CSDE1: variants seen among roughly 807,000 people sequenced by gnomAD.
The protein encoded by CSDE1 is cold shock domain containing E1, also known as cold shock domain-containing protein E1.
A neutral mutation model predicts 89.3 loss-of-function variants in CSDE1; 17 were observed. The observed-to-expected ratio is 0.19, with a 90% CI of 0.13 to 0.29. CSDE1 has a LOEUF of 0.29. CSDE1 is among the 10% of genes least tolerant of loss of function. The pLI is 1.00. For missense variants in CSDE1, 672 were observed against 984.2 expected (o/e 0.68, Z 4.24); for synonymous variants, 322 against 332.8 (o/e 0.97, Z 0.35).
chr1:114,736,615 C>A, intron 6 of CSDE1, 143 bp downstream of exon 6: 3 of 586,514 alleles, frequency 5.1e-6, no homozygotes, highest in South Asian at 4.4e-5. Context: ...TATTCATAGA[C>A]CTCAAAGCAT....
chr1:114,724,274 C>T (rs1659684234), intron 15 of CSDE1: 1 of 249,580 alleles, frequency 4.0e-6, no homozygotes, highest in Non-Finnish European at 7.8e-6. Context: ...ATAAAACATG[C>T]CTTGATCTCT....
intron 19 of CSDE1, 28 bp downstream of exon 19, chr1:114,718,585 C>T (rs772106967): frequency 3.1e-6 from 5 of 1,602,586 alleles, no homozygotes; most frequent in South Asian, 2.2e-5. Context: ...ATCAGTTGGC[C>T]TCCCCCAAGC....
intron 2 of CSDE1, 89 bp from the exon 3 acceptor site, chr1:114,739,979 T>C (rs998009644): frequency 2.6e-5 from 29 of 1,118,248 alleles, no homozygotes; most frequent in Non-Finnish European, 3.6e-5. Context: ...AAATCTTCCA[T>C]ATAAAAACGC....
intron 2 of CSDE1, among the ~76,000 whole-genome samples, chr1:114,744,476 G>C (rs1182843739): frequency 6.6e-6 from 1 of 152,070 alleles, no homozygotes; most frequent in South Asian, 2.1e-4. Flanking sequence ...CTACTCAAGA[G>C]GCTGGGGTGG....
chr1:114,723,761 C>G, intron 16 of CSDE1, 122 bp downstream of exon 16: 1 of 1,397,758 alleles, frequency 7.2e-7, no homozygotes, highest in South Asian at 1.2e-5. Flanking sequence ...AGAGAGGTCA[C>G]TTTTCCTTAA....
At position 114,725,272 on chromosome 1, in the gene CSDE1, T is replaced by C. The variant is rs778067819; in HGVS notation, c.1702A>G (p.Lys568Glu). ...LGDMVEYSLS[K>E]GKGNKVSAEK... ...GCACTGACTTTGTTGCCTTTGCCTTTGGACAAGCTATACTCGACCATGTCC... is the reference window on the plus strand; with the variant it reads ...GCACTGACTTTGTTGCCTTTGCCTTCGGACAAGCTATACTCGACCATGTCC... The change falls in exon 15 of 20, where the codon AAA (lysine) becomes GAA (glutamate). Residue 568 changes from lysine (K) to glutamate (E), a missense_variant. Lys to Glu is a moderately conservative substitution (Grantham distance 56). Transcript: ENST00000358528. 1.2e-6 allele frequency: 2 copies of C among 1,614,232 alleles called. No individual in the cohort carries two copies. The highest frequency in any genetic ancestry group is 2.2e-5 in the East Asian group (1 of 44,878).
intron 12 of CSDE1, among the ~76,000 whole-genome samples, chr1:114,728,424 C>A (rs1377411129): frequency 3.9e-5 from 6 of 152,210 alleles, no homozygotes; most frequent in Non-Finnish European, 7.4e-5. Flanking sequence ...AGAATCCCTG[C>A]CCTGAGGGAG....
intron 9 of CSDE1, among the ~76,000 whole-genome samples, 186 bp downstream of exon 9, chr1:114,733,546 A>AC (rs1660222525): frequency 6.8e-6 from 1 of 147,116 alleles, no homozygotes; most frequent in African/African-American, 2.4e-5. Context: ...AAAAAAAAAA[A>AC]AAACACCATA....
Position 114,750,075 on chromosome 1 carries a change from G to T in CSDE1, c.-255C>A, listed in dbSNP as rs1265174283. 6.6e-6 allele frequency: 1 copy of T among 152,656 alleles called. No individual in the cohort carries two copies. Among genetic ancestry groups the T allele is most frequent in the East Asian group, 1.9e-4 (1 of 5,196 alleles). The allele number at this position is 152,656 out of a possible 1,614,324, so 9.5% of individuals were successfully genotyped here. On this transcript the variant is annotated 5_prime_UTR_variant, in exon 2 of 20. The change creates a new upstream start codon in the 5' untranslated region. Coordinates refer to ENST00000358528, the MANE Select transcript of CSDE1 (RefSeq NM_001007553.3). ...GAGTAGGCACAAACTTCTTGTTTCA[G>T]ATCAAGTGTTGTGTCTTCAACTTAA...
At chr1:114,757,351 G>A (rs1232950160) in intron 1 of CSDE1, among the ~76,000 whole-genome samples, 1 of 152,036 alleles carries the variant, frequency 6.6e-6, no homozygotes, top group Non-Finnish European at 1.5e-5. Context: ...CAAAGAAGGC[G>A]CCACTGCCGC....
Position 114,736,814 on chromosome 1 carries a change from C to T in CSDE1, c.444G>A (p.Gly148=). ...TATCTCCAGTTTCCAGCTGAACGTT[C>T]CCTTCGACATCTTCAGGGGTGTAAG... is the stretch of plus-strand genomic sequence containing the variant. ...YLTYTPEDVE[G]NVQLETGDKI... is the part of the protein sequence containing the mutation. Residue 148 remains glycine (G), a synonymous_variant, in exon 6 of 20, where the codon GGG becomes GGA. Transcript: ENST00000358528. 1 of 1,613,174 alleles carries T rather than the reference C, an allele frequency of 6.2e-7. No individual in the cohort carries two copies. Among genetic ancestry groups the T allele is most frequent in the Admixed American group, 1.7e-5 (1 of 60,014 alleles).
intron 2 of CSDE1, among the ~76,000 whole-genome samples, chr1:114,740,267 C>T (rs938694393): frequency 1.3e-5 from 2 of 152,154 alleles, no homozygotes; most frequent in Non-Finnish European, 2.9e-5. Flanking sequence ...CACAAACTAC[C>T]AAAGACTCTT....
intron 8 of CSDE1, 32 bp from the exon 9 acceptor site, chr1:114,733,889 G>C (rs772763939): frequency 6.2e-7 from 1 of 1,610,876 alleles, no homozygotes; most frequent in Non-Finnish European, 8.5e-7. Context: ...GTGGTGGGGG[G>C]ACAGAGGAAG....
chr1:114,725,140 T>C, intron 15 of CSDE1, 81 bp downstream of exon 15: 1 of 1,014,456 alleles, frequency 9.9e-7, no homozygotes. Context: ...GTAGAATAAT[T>C]AGGCCTCATC....
At position 114,730,139 on chromosome 1, in the gene CSDE1, T is replaced by G. The variant is rs116268993; in HGVS notation, c.1356+119A>C. On this transcript the variant is annotated intron_variant, in intron 12 of 19. Coordinates refer to ENST00000358528, the MANE Select transcript of CSDE1 (RefSeq NM_001007553.3). The stretch of plus-strand genomic sequence containing the variant: ...TACTTTGTTTAGTTCACTGTTAATA[T>G]GACAGAAATTCTGAAAGAGACAAAC... 9.9e-3 allele frequency: 11,395 copies of G among 1,150,436 alleles called. 72 individuals carry two copies. The highest frequency in any genetic ancestry group is 0.013 in the Non-Finnish European group (10,383 of 812,502). 71.3% of individuals were successfully genotyped at this position (1,150,436 alleles called of 1,614,324 possible).
intron 13 of CSDE1, among the ~76,000 whole-genome samples, 172 bp downstream of exon 13, chr1:114,726,811 C>T (rs1028371365): frequency 2.0e-5 from 3 of 152,186 alleles, no homozygotes; most frequent in Non-Finnish European, 2.9e-5. Flanking sequence ...TAACAAAGAG[C>T]TTGACAGACA....
In CSDE1 at chr1:114,732,599, C is replaced by T; in HGVS notation, c.1050+5G>A. On this transcript the variant is annotated splice_donor_5th_base_variant and intron_variant, in intron 10 of 19. Coordinates refer to ENST00000358528, the MANE Select transcript of CSDE1 (RefSeq NM_001007553.3). ...GATACATATCCAGTAATATCCAACA[C>T]TTACCATTTCTCGGGCTTCATTAGT... 6.2e-7 allele frequency: 1 copy of T among 1,612,832 alleles called. No individual in the cohort carries two copies. Among genetic ancestry groups the T allele is most frequent in the Non-Finnish European group, 8.5e-7 (1 of 1,178,830 alleles).
chr1:114,748,850 A>G (rs1160005912), intron 2 of CSDE1, among the ~76,000 whole-genome samples: 4 of 152,176 alleles, frequency 2.6e-5, no homozygotes, highest in Non-Finnish European at 4.4e-5. Flanking sequence ...TCTGAATATT[A>G]CTTTAAAATG....
intron 15 of CSDE1, among the ~76,000 whole-genome samples, chr1:114,724,472 G>A (rs931726550): frequency 6.6e-6 from 1 of 152,158 alleles, no homozygotes; most frequent in African/African-American, 2.4e-5. Context: ...TAAGGTCAAT[G>A]AATACAGGGA....
Sources: gnomAD v4.1 joint callset for allele counts (sites outside exome capture counted in the v4.1 genomes callset) on GRCh38, gnomAD v4.1.1 for gene constraint, MANE v1.5 for transcripts, NCBI Gene and HGNC (gene_info 2026-07-23, HGNC 2026-07-21) for gene names.